The following DMC1 variants were observed in gnomAD, a reference collection of about 807,000 sequenced individuals.
The protein encoded by DMC1 is DNA meiotic recombinase 1, also known as meiotic recombination protein DMC1 homolog.
Under a neutral mutation model 50.1 loss-of-function variants are expected in DMC1, and 27 were observed. That is an observed-to-expected ratio of 0.54 (90% confidence interval 0.40 to 0.74). The LOEUF (loss-of-function observed/expected upper bound fraction) is 0.74, where lower values mean the gene tolerates loss of function less well. Among genes scored for constraint, DMC1 ranks in the 30% least tolerant of loss-of-function variants. The pLI, the probability that DMC1 is intolerant of heterozygous loss-of-function variation, is 0.00. For synonymous variants in DMC1, 148 were observed against 136.1 expected, an observed-to-expected ratio of 1.09 and a Z score of -0.61; for missense variants, 295 against 420.2, an observed-to-expected ratio of 0.70 and a Z score of 2.60.
intron 7 of DMC1, among the ~76,000 whole-genome samples, chr22:38,550,322 T>C (rs984018341): frequency 5.1e-4 from 76 of 149,164 alleles, no homozygotes; most frequent in Non-Finnish European, 9.5e-4. Context: ...CTTTTCTTTT[T>C]TTTTTTTTTT....
At chr22:38,515,211 C>G (rs2089968364), downstream of DMC1, among the ~76,000 whole-genome samples, 2 of 150,962 alleles carry the variant, frequency 1.3e-5, no homozygotes, top group African/African-American at 2.4e-5. Context: ...GGTGCAGTGG[C>G]TCACGCCTGT....
At chr22:38,564,297 A>G (rs1385874546) in intron 4 of DMC1, among the ~76,000 whole-genome samples, 1 of 151,906 alleles carries the variant, frequency 6.6e-6, no homozygotes, top group Non-Finnish European at 1.5e-5. Flanking sequence ...ATAGTGAGAT[A>G]CCCTTCTCTC....
chr22:38,547,821 G>T (rs1347776784), intron 8 of DMC1, among the ~76,000 whole-genome samples: 2 of 152,254 alleles, frequency 1.3e-5, no homozygotes, highest in African/African-American at 4.8e-5. Flanking sequence ...TTACAGGCGT[G>T]AGCCACGGTG....
intron 12 of DMC1, among the ~76,000 whole-genome samples, chr22:38,527,067 G>A (rs774749151): frequency 2.0e-5 from 3 of 152,182 alleles, no homozygotes; most frequent in Non-Finnish European, 4.4e-5. Context: ...CAGCATACCA[G>A]CCATTCCCCA....
At position 38,537,615 on chromosome 22, in the gene DMC1, A is replaced by G; in HGVS notation, c.813T>C (p.Thr271=). Residue 271 remains threonine (T), a synonymous_variant, in exon 12 of 14, where the codon ACT becomes ACC. Transcript: ENST00000216024. The part of the protein sequence containing the change: ...NVAVFVTNQM[T]ADPGATMTFQ... The stretch of plus-strand genomic sequence containing the variant: ...ACGTCATAGTTGCTCCTGGATCGGC[A>G]GTCATTTGATTGGTCACAAAAACAG... 6.2e-7 allele frequency: 1 copy of G among 1,614,146 alleles called. No homozygotes were observed. The highest frequency in any genetic ancestry group is 8.5e-7 in the Non-Finnish European group (1 of 1,179,976).
chr22:38,533,054 TA>T (rs1235819250), intron 12 of DMC1, among the ~76,000 whole-genome samples: 1 of 152,142 alleles, frequency 6.6e-6, no homozygotes, highest in Non-Finnish European at 1.5e-5. Flanking sequence ...GAGTAGTTAA[TA>T]TTTTTCACAG....
At chr22:38,529,935 A>T (rs1244259907) in intron 12 of DMC1, among the ~76,000 whole-genome samples, 1 of 152,114 alleles carries the variant, frequency 6.6e-6, no homozygotes, top group Non-Finnish European at 1.5e-5. Context: ...GAAGTGGTCC[A>T]TTGAGGAGAG....
downstream of DMC1, among the ~76,000 whole-genome samples, chr22:38,517,996 G>A (rs552267536): frequency 4.0e-5 from 6 of 148,824 alleles, no homozygotes; most frequent in East Asian, 5.9e-4. Flanking sequence ...TTTTTGAGAC[G>A]GAGTCTCGCT....
In DMC1 at chr22:38,556,298, G is replaced by T. The variant is rs147894240; in HGVS notation, c.327-889C>A. ...TGTATGGCTGGGGTCTTGCTATGTT[G>T]CCCAGGCTGGTCTCAAACTCCTGAG... On this transcript the variant is annotated intron_variant, in intron 5 of 13. Transcript: ENST00000216024. Among the ~76,000 whole-genome samples, 1,397 of 151,974 alleles carry T rather than the reference G, an allele frequency of 9.2e-3. 13 individuals carry two copies. The highest frequency in any genetic ancestry group is 0.014 in the Admixed American group (210 of 15,246).
At chr22:38,534,053 A>G (rs1400521516) in intron 12 of DMC1, among the ~76,000 whole-genome samples, 2 of 152,212 alleles carry the variant, frequency 1.3e-5, no homozygotes, top group Non-Finnish European at 2.9e-5. Flanking sequence ...TCGGTGTCAT[A>G]AAAGTCTAAC....
intron 4 of DMC1, among the ~76,000 whole-genome samples, chr22:38,564,591 G>A (rs575531222): frequency 6.6e-5 from 10 of 152,230 alleles, no homozygotes; most frequent in South Asian, 6.2e-4. Flanking sequence ...GATTACAGGC[G>A]TAAGCCACTG....
At chr22:38,566,307 G>A (rs1435076096) in intron 4 of DMC1, among the ~76,000 whole-genome samples, 1 of 150,542 alleles carries the variant, frequency 6.6e-6, no homozygotes, top group Non-Finnish European at 1.5e-5. Context: ...GAGAAGGAAA[G>A]GCAGAGACAG....
At chr22:38,550,321 T>TC (rs1441002015) in intron 7 of DMC1, among the ~76,000 whole-genome samples, 2 of 148,674 alleles carry the variant, frequency 1.3e-5, no homozygotes, top group African/African-American at 4.9e-5. Context: ...TCTTTTCTTT[T>TC]TTTTTTTTTT....
intron 5 of DMC1, among the ~76,000 whole-genome samples, chr22:38,558,190 C>A (rs188074073): frequency 1.9e-4 from 29 of 150,966 alleles, no homozygotes; most frequent in Non-Finnish European, 3.2e-4. Flanking sequence ...GTGATCCACC[C>A]GCCTCAGCCT....
chr22:38,537,444 C>T (rs1025074238), intron 12 of DMC1, 148 bp downstream of exon 12: 6 of 690,506 alleles, frequency 8.7e-6, no homozygotes, highest in Non-Finnish European at 1.6e-5. Flanking sequence ...CATCTCCTGA[C>T]CTCGTGATCC....
chr22:38,529,022 T>TC (rs1396792446), intron 12 of DMC1, among the ~76,000 whole-genome samples: 4 of 152,018 alleles, frequency 2.6e-5, no homozygotes, highest in Non-Finnish European at 4.4e-5. Flanking sequence ...TTTCTTTCTT[T>TC]TTTTTTTGAC....
At chr22:38,514,246 C>CTTTTTT (rs142872124), downstream of DMC1, among the ~76,000 whole-genome samples, 1 of 71,310 alleles carries the variant, frequency 1.4e-5, no homozygotes, top group Non-Finnish European at 2.6e-5. Context: ...GTTAGGTATT[C>CTTTTTT]TTTTTTTTTT....
intron 8 of DMC1, chr22:38,549,239 T>C (rs1449061705): frequency 1.3e-5 from 2 of 152,182 alleles, no homozygotes; most frequent in Admixed American, 1.3e-4. Flanking sequence ...ATTCGTTGTG[T>C]TACCCAAACA....
At chr22:38,532,849 C>A (rs1473570829) in intron 12 of DMC1, among the ~76,000 whole-genome samples, 1 of 151,838 alleles carries the variant, frequency 6.6e-6, no homozygotes, top group Non-Finnish European at 1.5e-5. Flanking sequence ...CTCAAGCGAT[C>A]CTCCTGCCTC....
Sources: allele counts gnomAD v4.1 joint callset (sites outside exome capture counted in the v4.1 genomes callset), GRCh38; gene constraint gnomAD v4.1.1; transcripts MANE v1.5; gene names NCBI Gene and HGNC (gene_info 2026-07-23, HGNC 2026-07-21).